The following NOC3L variants were observed in gnomAD, a reference collection of about 807,000 sequenced individuals.
NOC3L encodes NOC3 like DNA replication regulator.
A neutral mutation model predicts 102.5 loss-of-function variants in NOC3L; 85 were observed. That is an observed-to-expected ratio of 0.83 (90% CI 0.70 to 0.99). The LOEUF is 0.99. Among genes scored for constraint, NOC3L ranks in the 50% least tolerant of loss-of-function variants. The probability of loss-of-function intolerance (pLI) is 0.00; values close to 1 mark genes in which losing one functional copy is unlikely to be tolerated. For missense variants in NOC3L, 878 were observed against 914.9 expected, an observed-to-expected ratio of 0.96 and a Z score of 0.52; for synonymous variants, 303 against 309.4, an observed-to-expected ratio of 0.98 and a Z score of 0.22.
Position 94,349,321 on chromosome 10 carries a change from G to A in NOC3L, c.1186C>T (p.Gln396Ter). ...ACTTTAATTACACCAAGAGAAGCTTGGCCTAATTTATCTTGCTTAAAGAGT... is the reference window on the plus strand; with the variant it reads ...ACTTTAATTACACCAAGAGAAGCTTAGCCTAATTTATCTTGCTTAAAGAGT... ...KKLFKQDKLG[Q>*]ASLGVIKVIS... Residue 396 changes from glutamine (Q) to a stop codon, truncating the protein, a stop_gained, in exon 10 of 21, where the codon CAA becomes TAA. Transcript: ENST00000371361. LOFTEE classifies it high-confidence loss of function. The A allele has an allele frequency of 1.3e-6, 2 of 1,574,864 alleles. No homozygotes were observed. The highest frequency in any genetic ancestry group is 1.7e-6 in the Non-Finnish European group (2 of 1,167,674).
intron 2 of NOC3L, among the ~76,000 whole-genome samples, chr10:94,360,162 A>T (rs753818519): frequency 6.6e-6 from 1 of 152,102 alleles, no homozygotes; most frequent in African/African-American, 2.4e-5. Context: ...CTAAAAACAC[A>T]AAAATCAGCC....
intron 11 of NOC3L, among the ~76,000 whole-genome samples, chr10:94,345,267 C>T (rs552123575): frequency 1.3e-5 from 2 of 151,584 alleles, no homozygotes; most frequent in East Asian, 3.9e-4. Flanking sequence ...GATATGCTAT[C>T]ATTTTCTATT....
the NOC3L span, among the ~76,000 whole-genome samples, chr10:94,322,870 C>T: frequency 2.0e-5 from 3 of 152,140 alleles, no homozygotes; most frequent in Non-Finnish European, 1.5e-5. Flanking sequence ...ATAGGAGGAT[C>T]GCTTGAGCCT....
intron 5 of NOC3L, among the ~76,000 whole-genome samples, chr10:94,355,846 T>C (rs926819322): frequency 1.3e-5 from 2 of 152,192 alleles, no homozygotes; most frequent in Admixed American, 6.5e-5. Context: ...CTTCATAGTT[T>C]TGGGCTACAG....
chr10:94,343,632 C>G (rs1469639141), intron 13 of NOC3L, among the ~76,000 whole-genome samples: 1 of 152,214 alleles, frequency 6.6e-6, no homozygotes, highest in Non-Finnish European at 1.5e-5. Context: ...ATGGTAGCCA[C>G]TAGCCACATG....
Position 94,361,765 on chromosome 10 carries a change from G to A in NOC3L, c.117C>T (p.Leu39=), listed in dbSNP as rs150977777. The stretch of plus-strand genomic sequence containing the variant: ...TCCTCTGTTCTTTTCGGTACTTCTT[G>A]AGAGTGCTTTGTTGTTTAAACTGCT... The part of the protein sequence containing the change: ...KNKQFKQQST[L]KKYRKEQRKL... The change falls in exon 2 of 21, where the codon CTC becomes CTT. Residue 39 remains leucine, a synonymous_variant. Transcript: ENST00000371361. 3 of 1,613,176 alleles carry A rather than the reference G, an allele frequency of 1.9e-6. No homozygotes were observed. The African/African-American group carries it at 4.0e-5, about 22-fold the overall frequency.
At chr10:94,353,458 C>G (rs1239530983) in intron 6 of NOC3L, among the ~76,000 whole-genome samples, 2 of 152,116 alleles carry the variant, frequency 1.3e-5, no homozygotes, top group African/African-American at 4.8e-5. Flanking sequence ...GTTCTAAGCT[C>G]TTTTAAACAA....
At chr10:94,350,368 A>G in intron 8 of NOC3L, 80 bp from the exon 9 acceptor site, 1 of 1,200,802 alleles carries the variant, frequency 8.3e-7, no homozygotes, top group South Asian at 1.3e-5. Context: ...ATCAATGTAC[A>G]TTTTAACACA....
intron 6 of NOC3L, 40 bp from the exon 7 acceptor site, chr10:94,353,097 C>T (rs781731169): frequency 3.1e-5 from 47 of 1,526,188 alleles, no homozygotes; most frequent in Middle Eastern, 1.7e-4. Context: ...GAAATCATGA[C>T]GAAACAATTA....
intron 2 of NOC3L, among the ~76,000 whole-genome samples, chr10:94,358,672 T>C (rs2054516136): frequency 6.6e-6 from 1 of 152,158 alleles, no homozygotes; most frequent in South Asian, 2.1e-4. Flanking sequence ...AATGGCCACA[T>C]TCCAAACCCT....
rs1359028584 is a variant in NOC3L at position 94,362,896 on chromosome 10, GA to G, written c.-59del. 1 of 1,613,636 alleles carries G rather than the reference GA, an allele frequency of 6.2e-7. No homozygotes were observed. Among genetic ancestry groups the G allele is most frequent in the African/African-American group, 1.3e-5 (1 of 74,920 alleles). On this transcript the variant is annotated 5_prime_UTR_variant, in exon 1 of 21. Transcript: ENST00000371361. Reference sequence around the variant, plus strand: ...GTTCACCAGAAGCAGGGTTACTACAGAAATCCCGGGGAATGACACACGTGCC... The same window carrying G: ...GTTCACCAGAAGCAGGGTTACTACAGAATCCCGGGGAATGACACACGTGCC...
downstream of NOC3L, chr10:94,330,171 T>C (rs1226062492): frequency 6.7e-6 from 1 of 149,584 alleles, no homozygotes. Context: ...TGCTAAGCGC[T>C]GCCCCACTCC....
At position 94,344,918 on chromosome 10, in the gene NOC3L, C is replaced by A; in HGVS notation, c.1405G>T (p.Glu469Ter). 6.2e-7 allele frequency: 1 copy of A among 1,609,284 alleles called. No homozygotes were observed. The highest frequency in any genetic ancestry group is 8.5e-7 in the Non-Finnish European group (1 of 1,178,990). Residue 469 changes from glutamate (E) to a stop codon, truncating the protein, a stop_gained, in exon 12 of 21, where the codon GAG becomes TAG. Coordinates refer to ENST00000371361, the MANE Select transcript of NOC3L (RefSeq NM_022451.11). LOFTEE classifies it high-confidence loss of function. ...TCTCGAAGCTCTCGCTCTAGTTTCT[C>A]TTCTGCTTTCTTCCACTGAAAATAG... ...RMQRKWKKAE[E>*]KLERELREAE...
At chr10:94,336,991 C>A (rs1322214884) in intron 19 of NOC3L, among the ~76,000 whole-genome samples, 1 of 151,454 alleles carries the variant, frequency 6.6e-6, no homozygotes, top group Non-Finnish European at 1.5e-5. Context: ...ATCGCTTGAA[C>A]CCGGGAGGCG....
chr10:94,316,235 A>G, the NOC3L span, among the ~76,000 whole-genome samples: 1 of 152,232 alleles, frequency 6.6e-6, no homozygotes, highest in African/African-American at 2.4e-5. Flanking sequence ...CTGTGTTGCA[A>G]GATTACAAAG....
the NOC3L span, chr10:94,325,065 G>A: frequency 6.2e-7 from 1 of 1,614,060 alleles, no homozygotes; most frequent in Non-Finnish European, 8.5e-7. Flanking sequence ...GTGACACAAT[G>A]GATTACCGAC....
At position 94,350,449 on chromosome 10, in the gene NOC3L, A is replaced by G. The variant is rs1363030844; in HGVS notation, c.953-161T>C. On this transcript the variant is annotated intron_variant, in intron 8 of 20. Transcript: ENST00000371361. Reference sequence around the variant, plus strand: ...TCATATGCTGGGCACAGTGGCTCACACCTGTAATCCCAGCACTTTGGGAGG... The same window carrying G: ...TCATATGCTGGGCACAGTGGCTCACGCCTGTAATCCCAGCACTTTGGGAGG... Among the ~76,000 whole-genome samples, 2 of 151,886 alleles carry G rather than the reference A, an allele frequency of 1.3e-5. 1 individual carries two copies. Among genetic ancestry groups the G allele is most frequent in the East Asian group, 3.9e-4 (2 of 5,170 alleles).
At chr10:94,323,429 GCT>G in the NOC3L span, among the ~76,000 whole-genome samples, 1 of 152,174 alleles carries the variant, frequency 6.6e-6, no homozygotes, top group Non-Finnish European at 1.5e-5. Flanking sequence ...TGGTAAACCA[GCT>G]CTTTGTAAAA....
chr10:94,339,845 G>A lies in NOC3L; in HGVS notation c.1856C>T (p.Ser619Phe). The change falls in exon 17 of 21, where the codon TCT becomes TTT. Residue 619 changes from serine to phenylalanine, a missense_variant. Ser to Phe is a radical substitution (Grantham distance 155). Transcript: ENST00000371361. ...VMLTKRRKQVSQQRALAFIKR... is the reference protein window; with the variant it reads ...VMLTKRRKQVFQQRALAFIKR... ...GATGAAGGCAAGAGCTCGCTGCTGA[G>A]AAACTTGCTTTCTGCGCTTAGTTAG... is the stretch of plus-strand genomic sequence containing the variant. 2 of 1,614,198 alleles carry A rather than the reference G, an allele frequency of 1.2e-6. No homozygotes were observed. The highest frequency in any genetic ancestry group is 1.7e-6 in the Non-Finnish European group (2 of 1,180,018).
Sources: allele counts gnomAD v4.1 joint callset (sites outside exome capture counted in the v4.1 genomes callset), GRCh38; gene constraint gnomAD v4.1.1; transcripts MANE v1.5; gene names NCBI Gene and HGNC (gene_info 2026-07-23, HGNC 2026-07-21).